The following MYO16 variants were observed in gnomAD, a reference collection of about 807,000 sequenced individuals.
MYO16 encodes the protein unconventional myosin-XVI.
In MYO16, 94 loss-of-function variants were observed where a neutral mutation model predicts 205.3. That is an observed-to-expected ratio of 0.46 (90% CI 0.39 to 0.54). The LOEUF is 0.54. Among genes scored for constraint, MYO16 ranks in the 20% least tolerant of loss-of-function variants. The pLI is 0.00. For synonymous variants in MYO16, 988 were observed against 954.0 expected (o/e 1.04, Z -0.66); for missense variants, 2,315 against 2,387.5 (o/e 0.97, Z 0.63).
In MYO16 at chr13:108,888,448, A is replaced by G. The variant is rs1880005221; in HGVS notation, c.1630A>G (p.Arg544Gly). The change falls in exon 14 of 35, where the codon AGG becomes GGG. Residue 544 changes from arginine to glycine, a missense_variant. Transcript: ENST00000457511. The part of the protein sequence containing the change: ...RHLTCRAGAS[R>G]ATLDSRFKHV... ...CCTCACCTGCAGGGCTGGCGCCAGCAGGGCCACACTGGATTCCAGATTCAA... is the reference window on the plus strand; with the variant it reads ...CCTCACCTGCAGGGCTGGCGCCAGCGGGGCCACACTGGATTCCAGATTCAA... 1.2e-6 allele frequency: 2 copies of G among 1,609,300 alleles called. No homozygotes were observed. The highest frequency in any genetic ancestry group is 1.3e-5 in the African/African-American group (1 of 74,680).
intron 1 of MYO16, among the ~76,000 whole-genome samples, chr13:108,619,757 C>T (rs1172136576): frequency 6.6e-6 from 1 of 152,142 alleles, no homozygotes; most frequent in Non-Finnish European, 1.5e-5. Flanking sequence ...ACCTTCTCCT[C>T]TCCAGATGTC....
chr13:108,532,336 A>G, the MYO16 span, among the ~76,000 whole-genome samples: 1 of 152,070 alleles, frequency 6.6e-6, no homozygotes, highest in African/African-American at 2.4e-5. Context: ...GGGTAACAGT[A>G]TTAACAACAT....
intron 20 of MYO16, among the ~76,000 whole-genome samples, chr13:108,983,603 T>C (rs149117381): frequency 2.6e-5 from 4 of 152,208 alleles, no homozygotes; most frequent in Non-Finnish European, 4.4e-5. Context: ...CAAAATGCTA[T>C]GTGCCTTCGG....
At chr13:109,054,018 A>G (rs1887334336) in intron 25 of MYO16, among the ~76,000 whole-genome samples, 1 of 152,076 alleles carries the variant, frequency 6.6e-6, no homozygotes, top group African/African-American at 2.4e-5. Flanking sequence ...TTGTATCAAG[A>G]CCTTTTTTAA....
the MYO16 span, among the ~76,000 whole-genome samples, chr13:108,557,287 G>T: frequency 6.6e-6 from 1 of 151,922 alleles, no homozygotes; most frequent in African/African-American, 2.4e-5. Context: ...ATTTATTTGT[G>T]TCTTTTTCAA....
chr13:108,981,186 C>T (rs1346415924), intron 20 of MYO16, among the ~76,000 whole-genome samples: 1 of 152,176 alleles, frequency 6.6e-6, no homozygotes, highest in Admixed American at 6.5e-5. Context: ...GCCCCGCAGG[C>T]GAGGTTATCC....
intron 12 of MYO16, among the ~76,000 whole-genome samples, chr13:108,869,750 A>AAG (rs1271208740): frequency 1.8e-5 from 2 of 113,204 alleles, no homozygotes; most frequent in Non-Finnish European, 3.8e-5. Flanking sequence ...AAAAAAAAAA[A>AAG]AAAAAAAAAA....
the MYO16 span, among the ~76,000 whole-genome samples, chr13:108,558,839 T>C: frequency 6.6e-6 from 1 of 152,226 alleles, no homozygotes; most frequent in Non-Finnish European, 1.5e-5. Flanking sequence ...TGGAGAGACA[T>C]TGACCTTTTG....
intron 20 of MYO16, among the ~76,000 whole-genome samples, chr13:108,966,956 T>C (rs932602680): frequency 6.6e-6 from 1 of 152,070 alleles, no homozygotes; most frequent in Non-Finnish European, 1.5e-5. Context: ...AAAGATTATA[T>C]AAATAAATAA....
chr13:108,778,816 T>G (rs1288300576), intron 4 of MYO16, among the ~76,000 whole-genome samples: 1 of 152,170 alleles, frequency 6.6e-6, no homozygotes, highest in Non-Finnish European at 1.5e-5. Context: ...CAATATGAAC[T>G]CTCAATATGA....
intron 34 of MYO16, among the ~76,000 whole-genome samples, chr13:109,184,597 T>C (rs527796309): frequency 6.7e-6 from 1 of 148,646 alleles, no homozygotes; most frequent in Admixed American, 6.8e-5. Flanking sequence ...GACTATGTTT[T>C]TTTTTGTTTG....
intron 15 of MYO16, among the ~76,000 whole-genome samples, chr13:108,908,903 G>A (rs1296226635): frequency 6.6e-6 from 1 of 151,564 alleles, no homozygotes; most frequent in East Asian, 1.9e-4. Flanking sequence ...AACCGGAGAG[G>A]CAGAGGTTAC....
chr13:109,140,507 C>T lies in MYO16; in HGVS notation c.4295C>T (p.Pro1432Leu). 6.4e-7 allele frequency: 1 copy of T among 1,551,036 alleles called. No individual in the cohort carries two copies. Among genetic ancestry groups the T allele is most frequent in the Non-Finnish European group, 8.6e-7 (1 of 1,156,886 alleles). ...APPGDEDDSE[P>L]VYIEMLGHAA... The stretch of plus-strand genomic sequence containing the variant: ...CCGGGTGACGAGGACGACAGCGAGC[C>T]TGTGTACATCGAGATGCTGGGGCAC... The change falls in exon 32 of 35, where the codon CCT becomes CTT. Residue 1432 changes from proline to leucine, a missense_variant. By Grantham distance (98) the Pro-to-Leu change is moderately conservative. Transcript: ENST00000457511. The surrounding 1 kb of genome is among the most constrained non-coding windows in gnomAD (Gnocchi z 8.0).
At chr13:109,076,279 CCTT>C (rs888542904) in intron 27 of MYO16, among the ~76,000 whole-genome samples, 2 of 152,046 alleles carry the variant, frequency 1.3e-5, no homozygotes, top group African/African-American at 2.4e-5. Flanking sequence ...TTATTTCCTT[CCTT>C]CTTCTTCTTC....
At chr13:108,834,239 G>A (rs1457115981) in intron 9 of MYO16, among the ~76,000 whole-genome samples, 1 of 152,008 alleles carries the variant, frequency 6.6e-6, no homozygotes, top group Non-Finnish European at 1.5e-5. Context: ...ACTTTAGGAG[G>A]GACTTTCATC....
At chr13:108,540,655 C>T in the MYO16 span, among the ~76,000 whole-genome samples, 1 of 152,148 alleles carries the variant, frequency 6.6e-6, no homozygotes, top group East Asian at 1.9e-4. Flanking sequence ...ATAATTTTTG[C>T]TGGAGTATAA....
In MYO16 at chr13:108,982,989, T is replaced by G. The variant is rs527592808; in HGVS notation, c.2370-9387T>G. On this transcript the variant is annotated intron_variant, in intron 20 of 34. Coordinates refer to ENST00000457511, the MANE Select transcript of MYO16 (RefSeq NM_001198950.3). Reference sequence around the variant, plus strand: ...GAATGATTTAGTGCCACACTTTCTTTCATTTTTAATTAAGAAAAAAAAACC... The same window carrying G: ...GAATGATTTAGTGCCACACTTTCTTGCATTTTTAATTAAGAAAAAAAAACC... 5.3e-5 allele frequency among the ~76,000 whole-genome samples: 8 copies of G among 152,276 alleles called. No individual in the cohort carries two copies. In the East Asian group the frequency reaches 1.4e-3, roughly 26 times the overall value.
At chr13:108,696,592 T>G (rs1456570596) in intron 2 of MYO16, among the ~76,000 whole-genome samples, 2 of 152,192 alleles carry the variant, frequency 1.3e-5, no homozygotes, top group Non-Finnish European at 2.9e-5. Context: ...TGGGGATACC[T>G]GCGGGGAAGG....
At chr13:108,843,089 T>G (rs539745967) in intron 9 of MYO16, among the ~76,000 whole-genome samples, 1 of 151,706 alleles carries the variant, frequency 6.6e-6, no homozygotes, top group African/African-American at 2.4e-5. Context: ...GGCTGCCAGT[T>G]ATTGGAGAGT....
Sources: allele counts gnomAD v4.1 joint callset (sites outside exome capture counted in the v4.1 genomes callset), GRCh38; gene constraint gnomAD v4.1.1; non-coding constraint Gnocchi (gnomAD v3.1); transcripts MANE v1.5; gene names NCBI Gene and HGNC (gene_info 2026-07-23, HGNC 2026-07-21).